Variants in SYTL5 observed in about 807,000 individuals in gnomAD.
SYTL5 encodes synaptotagmin like 5, also known as synaptotagmin-like protein 5.
Under a neutral mutation model 55.9 loss-of-function variants are expected in SYTL5, and 34 were observed. The observed-to-expected ratio is 0.61, with a 90% CI of 0.46 to 0.81. The LOEUF is 0.81. Ranked by LOEUF, SYTL5 falls within the 30% of genes least tolerant of loss-of-function variation. The pLI is 0.00. For missense variants in SYTL5, 637 were observed against 546.7 expected (o/e 1.17, Z -1.65); for synonymous variants, 221 against 188.7 (o/e 1.17, Z -1.40).
At position 38,072,102 on chromosome X, in the gene SYTL5, A is replaced by T; in HGVS notation, c.385A>T (p.Lys129Ter). 1 of 1,211,175 alleles carries T rather than the reference A, an allele frequency of 8.3e-7. No homozygotes were observed. The highest frequency in any genetic ancestry group is 1.1e-6 in the Non-Finnish European group (1 of 895,007). ...TTTTGAAGAAAAGGCAAAACGTTTC[A>T]AGCAAGTCAATGTTCTCGGCACTGA... is the stretch of plus-strand genomic sequence containing the variant. ...WFFEEKAKRFKQVNVLGTDVV... is the reference protein window; with the variant it reads ...WFFEEKAKRF Residue 129 changes from lysine (K) to a stop codon, truncating the protein, a stop_gained, in exon 4 of 17, where the codon AAG becomes TAG. Coordinates refer to ENST00000297875, the MANE Select transcript of SYTL5 (RefSeq NM_138780.3). LOFTEE classifies it high-confidence loss of function.
In SYTL5 at chrX:38,072,119, C is replaced by T. The variant is rs1936282271; in HGVS notation, c.402C>T (p.Leu134=). ...AACGTTTCAAGCAAGTCAATGTTCT[C>T]GGCACTGATGTTGTCCGACAGTCCA... ...KAKRFKQVNV[L]GTDVVRQSIL... Residue 134 remains leucine (L), a synonymous_variant, in exon 4 of 17, where the codon CTC becomes CTT. Coordinates refer to ENST00000297875, the MANE Select transcript of SYTL5 (RefSeq NM_138780.3). 8 of 1,208,679 alleles carry T rather than the reference C, an allele frequency of 6.6e-6. No homozygotes were observed. Among genetic ancestry groups the T allele is most frequent in the Middle Eastern group, 4.6e-4 (2 of 4,369 alleles).
At chrX:37,940,568 A>G in the SYTL5 span, among the ~76,000 whole-genome samples, 1 of 103,280 alleles carries the variant, frequency 9.7e-6, no homozygotes, top group Non-Finnish European at 2.0e-5. Context: ...TGTTTAGTAT[A>G]CAGACAAGTA....
In SYTL5 at chrX:38,106,599, C is replaced by T; in HGVS notation, c.1162C>T (p.Leu388Phe). Residue 388 changes from leucine to phenylalanine, a missense_variant, in exon 11 of 17, where the codon CTT (leucine) becomes TTT (phenylalanine). Transcript: ENST00000297875. ...RLASGLSTTSLNSMMSVYSET... is the reference protein window; with the variant it reads ...RLASGLSTTSFNSMMSVYSET... ...TCCATCTTGTTTATTCCAGACCAGCCTTAACAGCATGATGAGCGTTTACAG... is the reference window on the plus strand; with the variant it reads ...TCCATCTTGTTTATTCCAGACCAGCTTTAACAGCATGATGAGCGTTTACAG... 3 of 1,196,740 alleles carry T rather than the reference C, an allele frequency of 2.5e-6. No individual in the cohort carries two copies. Among genetic ancestry groups the T allele is most frequent in the Non-Finnish European group, 3.4e-6 (3 of 888,874 alleles).
At chrX:37,903,387 C>A in the SYTL5 span, among the ~76,000 whole-genome samples, 1 of 107,762 alleles carries the variant, frequency 9.3e-6, no homozygotes, top group African/African-American at 3.4e-5. Context: ...ATGATGAGTT[C>A]ATGTCCTTTG....
At chrX:37,942,622 C>T in the SYTL5 span, among the ~76,000 whole-genome samples, 1 of 111,675 alleles carries the variant, frequency 9.0e-6, no homozygotes, top group African/African-American at 3.3e-5. Context: ...CTTCTCTATC[C>T]GTTCTGGGCT....
At chrX:38,028,605 A>G (rs1480956670) in intron 1 of SYTL5, among the ~76,000 whole-genome samples, 1 of 111,990 alleles carries the variant, frequency 8.9e-6, no homozygotes, top group East Asian at 2.8e-4. Context: ...CAAAAAGTCA[A>G]AAAGATCACT....
chrX:37,912,328 G>A, the SYTL5 span, among the ~76,000 whole-genome samples: 331 of 112,005 alleles, frequency 3.0e-3, 1 homozygote, highest in African/African-American at 0.01. Flanking sequence ...GCCCAATGCC[G>A]TTAAAGATCT....
At chrX:37,918,517 T>C in the SYTL5 span, among the ~76,000 whole-genome samples, 1 of 112,291 alleles carries the variant, frequency 8.9e-6, no homozygotes, top group Non-Finnish European at 1.9e-5. Flanking sequence ...CTGAACTCTG[T>C]AGATTTATGG....
intron 9 of SYTL5, among the ~76,000 whole-genome samples, chrX:38,097,819 A>G (rs1936975267): frequency 9.2e-6 from 1 of 109,229 alleles, no homozygotes; most frequent in Admixed American, 9.8e-5. Context: ...AGTTATAGCT[A>G]TCAGTACAAC....
At chrX:37,999,475 A>G in the SYTL5 span, among the ~76,000 whole-genome samples, 1 of 112,374 alleles carries the variant, frequency 8.9e-6, no homozygotes, top group African/African-American at 3.2e-5. Context: ...ACCAGTTAGC[A>G]TCAAGGAGGC....
chrX:37,956,927 T>A, the SYTL5 span, among the ~76,000 whole-genome samples: 1 of 112,058 alleles, frequency 8.9e-6, no homozygotes, highest in African/African-American at 3.2e-5. Context: ...AGGGTTGCAA[T>A]TTCATCACAT....
the SYTL5 span, among the ~76,000 whole-genome samples, chrX:37,895,697 A>G: frequency 9.1e-6 from 1 of 109,565 alleles, no homozygotes; most frequent in African/African-American, 3.3e-5. Context: ...AAACGTAGGA[A>G]GGCAAGACAT....
At chrX:38,026,764 C>T (rs1250490344) in intron 1 of SYTL5, among the ~76,000 whole-genome samples, 2 of 111,524 alleles carry the variant, frequency 1.8e-5, no homozygotes, top group Non-Finnish European at 3.8e-5. Context: ...GGTTTTGCAG[C>T]TTCTTCACTG....
Position 38,073,601 on chromosome X carries a change from G to T in SYTL5, c.457G>T (p.Val153Leu). 8.4e-7 allele frequency: 1 copy of T among 1,186,852 alleles called. No homozygotes were observed. The highest frequency in any genetic ancestry group is 2.4e-5 in the Admixed American group (1 of 42,029). The change falls in exon 5 of 17, where the codon GTA (valine) becomes TTA (leucine). Residue 153 changes from valine to leucine, a missense_variant. By Grantham distance (32) the Val-to-Leu change is conservative. Transcript: ENST00000297875. ...ILRRSPGAEE[V>L]QSQEQTRQDA... ...TGTTTGTTAATGAGGAGCTGAAGAA[G>T]TACAGAGCCAAGAGCAAACCCGCCA...
chrX:38,026,134 C>T lies in SYTL5; in HGVS notation c.-356-7400C>T, dbSNP rs193039021. On this transcript the variant is annotated intron_variant, in intron 1 of 16. Coordinates refer to ENST00000297875, the MANE Select transcript of SYTL5 (RefSeq NM_138780.3). ...ATCACCTAGCATGGAACATGCGCTA[C>T]AGGGAACAAACAACTATTTTCATTT... is the stretch of plus-strand genomic sequence containing the variant. 2.5e-4 allele frequency among the ~76,000 whole-genome samples: 28 copies of T among 112,652 alleles called. No individual in the cohort carries two copies. In the East Asian group the frequency reaches 7.2e-3, roughly 29 times the overall value.
chrX:37,897,601 G>A, the SYTL5 span, among the ~76,000 whole-genome samples: 4 of 111,351 alleles, frequency 3.6e-5, no homozygotes, highest in East Asian at 5.6e-4. Context: ...GAGCTGAACC[G>A]ATCAGTTTCT....
the SYTL5 span, among the ~76,000 whole-genome samples, chrX:37,953,528 T>C: frequency 8.9e-6 from 1 of 111,964 alleles, no homozygotes; most frequent in African/African-American, 3.2e-5. Context: ...CTCTGTTTTT[T>C]TGTTTTGTTT....
At chrX:37,958,859 C>T in the SYTL5 span, among the ~76,000 whole-genome samples, 3 of 112,318 alleles carry the variant, frequency 2.7e-5, no homozygotes, top group Non-Finnish European at 5.6e-5. Context: ...GGTCTTAGCA[C>T]GTCAAAACCC....
chrX:37,959,475 C>T, the SYTL5 span, among the ~76,000 whole-genome samples: 2 of 111,538 alleles, frequency 1.8e-5, no homozygotes, highest in African/African-American at 3.3e-5. Context: ...GCTCAGGTAC[C>T]GCGGTTTAAA....
Sources: allele counts gnomAD v4.1 joint callset (sites outside exome capture counted in the v4.1 genomes callset), GRCh38; gene constraint gnomAD v4.1.1; transcripts MANE v1.5; gene names NCBI Gene and HGNC (gene_info 2026-07-23, HGNC 2026-07-21).